Variants in TRDN observed in about 807,000 individuals in gnomAD.
The protein encoded by TRDN is triadin, also known as triadin in skeletal muscle.
TRDN carries 161 observed loss-of-function variants against 149.7 expected under a neutral mutation model. That is an observed-to-expected ratio of 1.08 (90% confidence interval 0.95 to 1.23). TRDN has a LOEUF of 1.23. Ranked by LOEUF, TRDN falls within the 50% of genes most tolerant of loss-of-function variation. The probability of loss-of-function intolerance (pLI) is 0.00; values close to 1 mark genes in which losing one functional copy is unlikely to be tolerated. For missense variants in TRDN, 896 were observed against 823.5 expected, an observed-to-expected ratio of 1.09 and a Z score of -1.08; for synonymous variants, 294 against 250.5, an observed-to-expected ratio of 1.17 and a Z score of -1.64.
chr6:123,336,478 A>G (rs375672622), intron 22 of TRDN, among the ~76,000 whole-genome samples: 383 of 152,094 alleles, frequency 2.5e-3, no homozygotes, highest in African/African-American at 8.5e-3. Flanking sequence ...TCACCTTCTC[A>G]TTTACATTTC....
chr6:123,544,400 C>T (rs745754534), intron 4 of TRDN, among the ~76,000 whole-genome samples: 3 of 151,908 alleles, frequency 2.0e-5, no homozygotes, highest in East Asian at 1.9e-4. Flanking sequence ...GGAAATAGTA[C>T]GGTTATAAAC....
At chr6:123,221,572 T>C (rs1775149432) in intron 39 of TRDN, 50 bp from the exon 40 acceptor site, 2 of 1,190,330 alleles carry the variant, frequency 1.7e-6, no homozygotes, top group Non-Finnish European at 2.4e-6. Context: ...TTACAACTTT[T>C]ATATAAATAT....
At chr6:123,406,585 G>C (rs7752703) in intron 12 of TRDN, among the ~76,000 whole-genome samples, 56,357 of 151,186 alleles carry the variant, frequency 0.37, 10,940 homozygotes, top group Middle Eastern at 0.47. Flanking sequence ...TCCGTCATAT[G>C]CATGTATATA....
intron 1 of TRDN, among the ~76,000 whole-genome samples, chr6:123,624,790 G>A (rs1785563817): frequency 6.6e-6 from 1 of 152,070 alleles, no homozygotes; most frequent in Non-Finnish European, 1.5e-5. Flanking sequence ...TAAGCTCAAA[G>A]TAGCGTATGT....
intron 33 of TRDN, 98 bp from the exon 34 acceptor site, chr6:123,260,736 CT>C (rs1776740057): frequency 1.0e-6 from 1 of 991,372 alleles, no homozygotes; most frequent in South Asian, 1.9e-5. Flanking sequence ...TGAAACTTAT[CT>C]TCTGATATTT....
intron 21 of TRDN, among the ~76,000 whole-genome samples, chr6:123,340,884 G>T (rs938534033): frequency 4.6e-5 from 7 of 151,836 alleles, no homozygotes; most frequent in African/African-American, 1.7e-4. Context: ...AACATCTTGT[G>T]GTTGCTTCCT....
intron 16 of TRDN, among the ~76,000 whole-genome samples, chr6:123,379,041 G>T (rs534332998): frequency 1.6e-3 from 251 of 152,170 alleles, no homozygotes; most frequent in African/African-American, 5.8e-3. Flanking sequence ...TAATGTAAAA[G>T]AAGATTTTCA....
chr6:123,571,058 TCAG>T lies in TRDN; in HGVS notation c.94_96del (p.Leu32del), dbSNP rs768592182. ...ACTATGTCTTCTGTGACTGTCCTCT[TCAG>T]CACTTTTCCGGGGGATTTGGGCACA... On this transcript the variant is annotated inframe_deletion, in exon 2 of 41. Coordinates refer to ENST00000334268, the MANE Select transcript of TRDN (RefSeq NM_006073.4). The T allele has an allele frequency of 6.2e-7, 1 of 1,614,014 alleles. No homozygotes were observed. Among genetic ancestry groups the T allele is most frequent in the Non-Finnish European group, 8.5e-7 (1 of 1,179,880 alleles).
chr6:123,311,183 C>G (rs1778804987), intron 24 of TRDN, among the ~76,000 whole-genome samples: 1 of 151,798 alleles, frequency 6.6e-6, no homozygotes, highest in African/African-American at 2.4e-5. Context: ...GAAAGGGAAG[C>G]AGGAACATTT....
At chr6:123,298,702 A>G (rs1222169975) in intron 24 of TRDN, among the ~76,000 whole-genome samples, 1 of 152,076 alleles carries the variant, frequency 6.6e-6, no homozygotes, top group Non-Finnish European at 1.5e-5. Context: ...AGAAATTTAC[A>G]CTCCAAATAC....
intron 7 of TRDN, among the ~76,000 whole-genome samples, chr6:123,508,006 C>G: frequency 6.8e-6 from 1 of 146,344 alleles, no homozygotes; most frequent in South Asian, 2.2e-4. Flanking sequence ...AAAAAAGAAT[C>G]GCCACTGTAA....
At chr6:123,556,600 C>T (rs185647641) in intron 2 of TRDN, among the ~76,000 whole-genome samples, 1 of 151,232 alleles carries the variant, frequency 6.6e-6, no homozygotes, top group Admixed American at 6.6e-5. Flanking sequence ...CTTCTTCCTC[C>T]TCCTCCTTCT....
intron 12 of TRDN, among the ~76,000 whole-genome samples, chr6:123,423,784 A>C (rs1470749359): frequency 1.3e-5 from 2 of 152,174 alleles, no homozygotes; most frequent in Non-Finnish European, 2.9e-5. Context: ...CATTATTTTC[A>C]AGATTAGCTA....
chr6:123,583,527 T>A (rs1294260405), intron 1 of TRDN, among the ~76,000 whole-genome samples: 1 of 150,294 alleles, frequency 6.7e-6, no homozygotes, highest in Non-Finnish European at 1.5e-5. Context: ...GTTCTACTTT[T>A]CCTGAAGATG....
intron 25 of TRDN, among the ~76,000 whole-genome samples, 176 bp from the exon 26 acceptor site, chr6:123,278,523 T>G (rs556853369): frequency 1.3e-5 from 2 of 152,310 alleles, no homozygotes; most frequent in African/African-American, 4.8e-5. Context: ...TGTGGCAAAC[T>G]AGTACGTAAC....
At chr6:123,422,598 T>C (rs1434655668) in intron 12 of TRDN, among the ~76,000 whole-genome samples, 1 of 152,166 alleles carries the variant, frequency 6.6e-6, no homozygotes, top group Non-Finnish European at 1.5e-5. Flanking sequence ...AAATTAATCA[T>C]GATGAATCAA....
chr6:123,606,689 A>T (rs574919660), intron 1 of TRDN, among the ~76,000 whole-genome samples: 4 of 152,296 alleles, frequency 2.6e-5, no homozygotes, highest in African/African-American at 9.6e-5. Flanking sequence ...TTTTAATCAT[A>T]AGCCAAATAT....
chr6:123,260,732 T>G (rs1385243838), intron 33 of TRDN, 94 bp from the exon 34 acceptor site: 6 of 1,022,932 alleles, frequency 5.9e-6, no homozygotes, highest in Non-Finnish European at 8.1e-6. Flanking sequence ...CAATTGAAAC[T>G]TATCTTCTGA....
At chr6:123,627,402 A>T (rs1475485542) in intron 1 of TRDN, among the ~76,000 whole-genome samples, 1 of 151,060 alleles carries the variant, frequency 6.6e-6, no homozygotes, top group East Asian at 1.9e-4. Context: ...CTTTGGAAGA[A>T]TTTTTTTTTT....
Sources: allele counts gnomAD v4.1 joint callset (sites outside exome capture counted in the v4.1 genomes callset), GRCh38; gene constraint gnomAD v4.1.1; transcripts MANE v1.5; gene names NCBI Gene and HGNC (gene_info 2026-07-23, HGNC 2026-07-21).